SEM1: variants seen among roughly 807,000 people sequenced by gnomAD.
SEM1 encodes the protein SEM1 26S proteasome subunit.
A neutral mutation model predicts 12.7 loss-of-function variants in SEM1; 3 were observed. The observed-to-expected ratio is 0.24, with a 90% CI of 0.11 to 0.61. The LOEUF is 0.61. SEM1 is among the 20% of genes least tolerant of loss of function. The pLI, the probability that SEM1 is intolerant of heterozygous loss-of-function variation, is 0.88. For missense variants in SEM1, 59 were observed against 81.3 expected, an observed-to-expected ratio of 0.73 and a Z score of 1.06; for synonymous variants, 30 against 27.8, an observed-to-expected ratio of 1.08 and a Z score of -0.25.
chr7:96,646,141 C>G (rs1478391352), intron 2 of SEM1, among the ~76,000 whole-genome samples: 1 of 152,152 alleles, frequency 6.6e-6, no homozygotes, highest in Non-Finnish European at 1.5e-5. Flanking sequence ...GCCTGCATGA[C>G]AAATCCAGCC....
chr7:96,645,520 GT>G, intron 2 of SEM1: 1 of 365,312 alleles, frequency 2.7e-6, no homozygotes, highest in East Asian at 3.9e-5. Context: ...TGGGAAGGAA[GT>G]ATGTTCCAAT....
intron 2 of SEM1, among the ~76,000 whole-genome samples, chr7:96,601,123 ATTTG>A (rs916716299): frequency 1.1e-4 from 17 of 152,238 alleles, no homozygotes; most frequent in African/African-American, 3.9e-4. Flanking sequence ...CACACTTTGT[ATTTG>A]TTTGTTTAAA....
intron 2 of SEM1, among the ~76,000 whole-genome samples, chr7:96,598,031 A>G (rs1185070239): frequency 2.0e-5 from 3 of 152,156 alleles, no homozygotes; most frequent in Non-Finnish European, 4.4e-5. Context: ...TCATTTTCAT[A>G]GCTGCATAAT....
chr7:96,488,851 G>T (rs1364900904), intron 1 of SEM1, among the ~76,000 whole-genome samples: 1 of 151,950 alleles, frequency 6.6e-6, no homozygotes, highest in Non-Finnish European at 1.5e-5. Flanking sequence ...TTGGGCTGTG[G>T]GTAAAAGAAG....
chr7:96,595,636 C>A (rs531286771), intron 2 of SEM1, among the ~76,000 whole-genome samples: 1 of 152,020 alleles, frequency 6.6e-6, no homozygotes, highest in South Asian at 2.1e-4. Context: ...TGTTATTCTT[C>A]TTTGTTTTGT....
chr7:96,672,405 G>A (rs1299365691), downstream of SEM1, among the ~76,000 whole-genome samples: 1 of 152,138 alleles, frequency 6.6e-6, no homozygotes, highest in Non-Finnish European at 1.5e-5. Context: ...GAAGGCAGTC[G>A]TCCAACACCT....
chr7:96,615,238 CAT>C (rs1807673118), intron 2 of SEM1, among the ~76,000 whole-genome samples: 2 of 30,468 alleles, frequency 6.6e-5, no homozygotes, highest in Non-Finnish European at 1.5e-4. Flanking sequence ...TTTTTTGAGT[CAT>C]CTTTTTTTTT....
chr7:96,609,457 G>A (rs1563081747), intron 2 of SEM1, among the ~76,000 whole-genome samples: 1 of 152,282 alleles, frequency 6.6e-6, no homozygotes, highest in Non-Finnish European at 1.5e-5. Flanking sequence ...ATGTTAAAAT[G>A]TATATGTGAG....
exon 3 of SEM1, chr7:96,673,652 C>G: frequency 1.5e-6 from 1 of 685,174 alleles, no homozygotes. Flanking sequence ...CTTACTGACT[C>G]CATGCACATA....
At position 96,570,275 on chromosome 7, in the gene SEM1, C is replaced by T. The variant is rs559955598; in HGVS notation, c.171-63577G>A. On this transcript the variant is annotated intron_variant and NMD_transcript_variant, in intron 2 of 3. Transcript: ENST00000466986. ...GTTTGTTACATAGGTATACATGTGC[C>T]ATGGTGGTCTGCTGCACCCATCAAC... Among the ~76,000 whole-genome samples the T allele has an allele frequency of 2.6e-5, 4 of 151,772 alleles. No homozygotes were observed. The East Asian group carries it at 7.8e-4, about 29-fold the overall frequency.
intron 2 of SEM1, among the ~76,000 whole-genome samples, chr7:96,543,361 A>G (rs1805011525): frequency 6.6e-6 from 1 of 151,932 alleles, no homozygotes; most frequent in Admixed American, 6.6e-5. Context: ...TATATTCTGA[A>G]TTTTGGTATT....
chr7:96,620,943 G>A (rs1332843919), downstream of SEM1, among the ~76,000 whole-genome samples: 1 of 152,118 alleles, frequency 6.6e-6, no homozygotes, highest in Non-Finnish European at 1.5e-5. Context: ...GGCTTTGTGT[G>A]TTTTGGGGCA....
chr7:96,583,755 T>C (rs529938060), intron 2 of SEM1, among the ~76,000 whole-genome samples: 2 of 150,802 alleles, frequency 1.3e-5, no homozygotes, highest in East Asian at 2.0e-4. Context: ...TTGATCTTTG[T>C]TGGTTTAAAG....
At chr7:96,659,321 G>C (rs1788907865) in intron 2 of SEM1, among the ~76,000 whole-genome samples, 2 of 152,094 alleles carry the variant, frequency 1.3e-5, no homozygotes, top group South Asian at 4.1e-4. Flanking sequence ...AGGGAAACTA[G>C]AAAACAATGA....
chr7:96,483,952 TG>T lies in SEM1; in HGVS notation c.293del (p.Pro98HisfsTer50). ...AATCTTCACAGTGCACCAAGGATGG[TG>T]GGGGGCTCAGTGGAGCAGTGGAAAG... On this transcript the variant is annotated frameshift_variant, in exon 4 of 4. Transcript: ENST00000356686. LOFTEE classifies it high-confidence loss of function. The T allele has an allele frequency of 6.5e-7, 1 of 1,534,894 alleles. No homozygotes were observed. Among genetic ancestry groups the T allele is most frequent in the African/African-American group, 1.4e-5 (1 of 73,066 alleles).
intron 3 of SEM1, chr7:96,484,079 T>C: frequency 1.7e-6 from 2 of 1,196,436 alleles, no homozygotes; most frequent in Non-Finnish European, 2.3e-6. Flanking sequence ...AACAACCCTA[T>C]AGGGTAGATC....
chr7:96,573,766 T>C (rs182232316), intron 2 of SEM1, among the ~76,000 whole-genome samples: 225 of 152,242 alleles, frequency 1.5e-3, no homozygotes, highest in Non-Finnish European at 2.6e-3. Context: ...TTCTTGAGTA[T>C]CTTTGTGGTG....
intron 2 of SEM1, among the ~76,000 whole-genome samples, chr7:96,614,381 C>G (rs1012587132): frequency 6.6e-5 from 10 of 152,108 alleles, no homozygotes; most frequent in African/African-American, 2.4e-4. Flanking sequence ...CTGCTCTAAG[C>G]AGTTTTCTAG....
intron 1 of SEM1, chr7:96,695,647 A>G (rs1465056514): frequency 6.6e-6 from 1 of 151,872 alleles, no homozygotes; most frequent in African/African-American, 2.4e-5. Flanking sequence ...ATGGAGTTTT[A>G]TGTTACAAAA....
Sources: gnomAD v4.1 joint callset for allele counts (sites outside exome capture counted in the v4.1 genomes callset) on GRCh38, gnomAD v4.1.1 for gene constraint, MANE v1.5 for transcripts, NCBI Gene and HGNC (gene_info 2026-07-23, HGNC 2026-07-21) for gene names.